Variants in DTNA observed in about 807,000 individuals in gnomAD.
The protein encoded by DTNA is dystrobrevin alpha.
Under a neutral mutation model 100.7 loss-of-function variants are expected in DTNA, and 43 were observed. The ratio of observed to expected loss-of-function variants is 0.43; its 90% CI spans 0.33 to 0.55. DTNA has a LOEUF of 0.55. Among genes scored for constraint, DTNA ranks in the 20% least tolerant of loss-of-function variants. DTNA has a pLI of 0.04. For missense variants in DTNA, 798 were observed against 953.9 expected (o/e 0.84, Z 2.15); for synonymous variants, 349 against 347.9 (o/e 1.00, Z -0.04).
intron 1 of DTNA, among the ~76,000 whole-genome samples, chr18:34,559,148 C>G (rs1330898325): frequency 1.3e-5 from 2 of 152,056 alleles, no homozygotes; most frequent in Non-Finnish European, 2.9e-5. Context: ...CTACTTGACT[C>G]TAGGAAGGTA....
At chr18:34,673,151 A>G (rs560498383) in intron 1 of DTNA, among the ~76,000 whole-genome samples, 4 of 152,238 alleles carry the variant, frequency 2.6e-5, no homozygotes, top group South Asian at 2.1e-4. Context: ...CAGTGGCACA[A>G]TCTTGGCTCA....
At chr18:34,570,275 A>G (rs2047464891) in intron 1 of DTNA, among the ~76,000 whole-genome samples, 1 of 152,182 alleles carries the variant, frequency 6.6e-6, no homozygotes, top group Admixed American at 6.5e-5. Context: ...CATTGTAGGC[A>G]CTCAATAAAA....
intron 1 of DTNA, among the ~76,000 whole-genome samples, chr18:34,537,450 G>A (rs2145657749): frequency 6.6e-6 from 1 of 151,718 alleles, no homozygotes; most frequent in East Asian, 1.9e-4. Flanking sequence ...AAATTGTATT[G>A]TATTAAGGAA....
chr18:34,617,213 A>G (rs554911900), intron 1 of DTNA, among the ~76,000 whole-genome samples: 1 of 152,120 alleles, frequency 6.6e-6, no homozygotes, highest in African/African-American at 2.4e-5. Flanking sequence ...CTCAAGGGGA[A>G]TGCTCCCAGC....
chr18:34,617,795 G>T (rs895075070), intron 1 of DTNA, among the ~76,000 whole-genome samples: 30 of 152,010 alleles, frequency 2.0e-4, no homozygotes, highest in African/African-American at 7.2e-4. Flanking sequence ...TAATGCTATT[G>T]CACACTTAAA....
At position 34,623,731 on chromosome 18, in the gene DTNA, A is replaced by T. The variant is rs189188086; in HGVS notation, c.-2+130217A>T. On this transcript the variant is annotated intron_variant, in intron 1 of 19. Coordinates refer to the DTNA transcript ENST00000283365. ...CCATAAGCCTAGTGAGGAAACTAAG[A>T]GTAGGCTAATGGTTCAAGGAATTAA... Among the ~76,000 whole-genome samples the T allele has an allele frequency of 1.8e-3, 273 of 152,326 alleles. 2 individuals carry two copies. Among genetic ancestry groups the T allele is most frequent in the African/African-American group, 6.0e-3 (250 of 41,580 alleles).
intron 1 of DTNA, among the ~76,000 whole-genome samples, chr18:34,674,282 G>T (rs575236256): frequency 2.6e-5 from 4 of 152,290 alleles, no homozygotes; most frequent in African/African-American, 9.6e-5. Flanking sequence ...CACAGCCACA[G>T]CCCCTTTATC....
intron 1 of DTNA, among the ~76,000 whole-genome samples, chr18:34,635,027 C>G (rs1197817757): frequency 6.6e-6 from 1 of 152,086 alleles, no homozygotes; most frequent in Non-Finnish European, 1.5e-5. Context: ...AATATCCCCC[C>G]ACTCCCCACC....
At chr18:34,799,302 A>G (rs1324027977) in intron 4 of DTNA, among the ~76,000 whole-genome samples, 1 of 152,190 alleles carries the variant, frequency 6.6e-6, no homozygotes, top group Non-Finnish European at 1.5e-5. Context: ...CAATGCTACA[A>G]AAAAGACCAC....
intron 1 of DTNA, among the ~76,000 whole-genome samples, chr18:34,609,536 G>T (rs1044866901): frequency 2.0e-5 from 3 of 152,100 alleles, no homozygotes; most frequent in Non-Finnish European, 4.4e-5. Context: ...GAGCCACCGC[G>T]CCTGGCCACT....
At chr18:34,887,660 C>A in intron 22 of DTNA, 106 bp from the exon 23 acceptor site, 1 of 820,412 alleles carries the variant, frequency 1.2e-6, no homozygotes, top group Non-Finnish European at 1.5e-6. Flanking sequence ...TGTGTGTGCG[C>A]GCGCACTTTC....
At chr18:34,611,579 C>T (rs2147533620) in intron 1 of DTNA, among the ~76,000 whole-genome samples, 1 of 152,180 alleles carries the variant, frequency 6.6e-6, no homozygotes, top group East Asian at 1.9e-4. Flanking sequence ...TCTGTAGCAC[C>T]TCTTTGCTAA....
intron 1 of DTNA, among the ~76,000 whole-genome samples, chr18:34,714,921 AC>A (rs1225739257): frequency 1.3e-5 from 2 of 152,094 alleles, no homozygotes; most frequent in African/African-American, 2.4e-5. Flanking sequence ...CATGGATGAA[AC>A]TGGAAATCAT....
At chr18:34,510,290 T>C (rs2040926209) in intron 1 of DTNA, among the ~76,000 whole-genome samples, 1 of 152,050 alleles carries the variant, frequency 6.6e-6, no homozygotes, top group Non-Finnish European at 1.5e-5. Context: ...TGTTTTTGTG[T>C]GTGTTCTCTG....
intron 17 of DTNA, among the ~76,000 whole-genome samples, chr18:34,865,344 T>C (rs2096685941): frequency 1.3e-5 from 2 of 152,302 alleles, no homozygotes; most frequent in South Asian, 4.2e-4. Flanking sequence ...TGTTTCTTTC[T>C]TGATTGCCCC....
At chr18:34,852,036 A>T in intron 15 of DTNA, 108 bp downstream of exon 15, 1 of 1,081,522 alleles carries the variant, frequency 9.2e-7, no homozygotes, top group Non-Finnish European at 1.4e-6. Flanking sequence ...TGGCTACTCA[A>T]GGGAAGACAT....
intron 1 of DTNA, among the ~76,000 whole-genome samples, chr18:34,698,358 A>G (rs2080889271): frequency 6.6e-6 from 1 of 152,174 alleles, no homozygotes; most frequent in African/African-American, 2.4e-5. Context: ...TGGCAGGGCC[A>G]TTCTCCCTAT....
chr18:34,507,939 T>G (rs2040657804), intron 1 of DTNA, among the ~76,000 whole-genome samples: 1 of 152,208 alleles, frequency 6.6e-6, no homozygotes, highest in Non-Finnish European at 1.5e-5. Flanking sequence ...ATGTATTTAT[T>G]ATATTTAACA....
intron 13 of DTNA, among the ~76,000 whole-genome samples, chr18:34,844,743 GTTGACTACCCTAAC>G (rs2096344662): frequency 6.6e-6 from 1 of 152,072 alleles, no homozygotes; most frequent in Non-Finnish European, 1.5e-5. Context: ...GTATTTTCTG[GTTGACTACCCTAAC>G]TTAGAAAGCA....
Sources: gnomAD v4.1 joint callset for allele counts (sites outside exome capture counted in the v4.1 genomes callset) on GRCh38, gnomAD v4.1.1 for gene constraint, MANE v1.5 for transcripts, NCBI Gene and HGNC (gene_info 2026-07-23, HGNC 2026-07-21) for gene names.